Variants in FRMD1 observed in about 807,000 individuals in gnomAD.
FRMD1 encodes the protein FERM domain-containing protein 1.
FRMD1 carries 51 observed loss-of-function variants against 54.9 expected under a neutral mutation model. The observed-to-expected ratio is 0.93, with a 90% CI of 0.74 to 1.17. The LOEUF is 1.17. Among genes scored for constraint, FRMD1 ranks in the 50% most tolerant of loss-of-function variants. The pLI is 0.00. For missense variants in FRMD1, 729 were observed against 743.0 expected (o/e 0.98, Z 0.22); for synonymous variants, 324 against 306.4 (o/e 1.06, Z -0.60).
Position 168,060,818 on chromosome 6 carries a change from G to T in FRMD1, c.1285C>A (p.Pro429Thr). The change falls in exon 9 of 11, where the codon CCG becomes ACG. Residue 429 changes from proline to threonine, a missense_variant. Coordinates refer to ENST00000283309, the MANE Select transcript of FRMD1 (RefSeq NM_024919.6). ...LEVHGLHEKE[P>T]SSSPRTSRSH... ...CGGCTGGTCCTGGGGCTGGAGGACG[G>T]CTCCTTCTCATGGAGCCCGTGGACC... 6.2e-7 allele frequency: 1 copy of T among 1,613,286 alleles called. No homozygotes were observed. The highest frequency in any genetic ancestry group is 8.5e-7 in the Non-Finnish European group (1 of 1,179,804).
chr6:168,084,216 T>TC (rs1264107295), upstream of FRMD1, among the ~76,000 whole-genome samples: 1 of 152,108 alleles, frequency 6.6e-6, no homozygotes, highest in Non-Finnish European at 1.5e-5. Context: ...CTTCTAGGGA[T>TC]TAGACGGAAG....
At position 168,059,996 on chromosome 6, in the gene FRMD1, C is replaced by G. The variant is rs2114954253; in HGVS notation, c.1342+765G>C. Among the ~76,000 whole-genome samples the G allele has an allele frequency of 6.6e-6, 1 of 150,792 alleles. No homozygotes were observed. Among genetic ancestry groups the G allele is most frequent in the South Asian group, 2.1e-4 (1 of 4,738 alleles). ...GAGGGAAGCTGGTAGGACAGGGCTT[C>G]CTAGGAGTAGGGGGCTTCCTAGGAG... On this transcript the variant is annotated intron_variant, in intron 9 of 10. Transcript: ENST00000283309. This position sits in a 1 kb window ranked among gnomAD's most constrained non-coding sequence, Gnocchi z 4.4.
chr6:168,079,111 C>T lies in FRMD1; in HGVS notation c.-17G>A, dbSNP rs992757832. The T allele has an allele frequency of 2.5e-6, 4 of 1,574,274 alleles. No individual in the cohort carries two copies. In the South Asian group the frequency reaches 3.4e-5, roughly 13 times the overall value. On this transcript the variant is annotated 5_prime_UTR_variant, in exon 1 of 11. Coordinates refer to ENST00000283309, the MANE Select transcript of FRMD1 (RefSeq NM_024919.6). ...CACCGCCATGCTGTCGTTACTCGGC[C>T]CTCCCCCGCCATGGGTCGCAGGTGG... is the stretch of plus-strand genomic sequence containing the variant.
At chr6:168,086,477 A>G (rs974820403), upstream of FRMD1, among the ~76,000 whole-genome samples, 1 of 148,058 alleles carries the variant, frequency 6.8e-6, no homozygotes, top group East Asian at 2.0e-4. Flanking sequence ...ATGGACACCC[A>G]CATTTTCAGT....
intron 4 of FRMD1, chr6:168,065,879 G>A: frequency 1.0e-6 from 1 of 1,000,204 alleles, no homozygotes; most frequent in Non-Finnish European, 1.2e-6. Context: ...TTTCCCCCAG[G>A]GTAAACCCTG....
At chr6:168,092,756 T>C (rs1432654349) in intron 1 of FRMD1, among the ~76,000 whole-genome samples, 1 of 152,226 alleles carries the variant, frequency 6.6e-6, no homozygotes, top group Non-Finnish European at 1.5e-5. Flanking sequence ...TACAGCATCC[T>C]GAAAGGACTA....
At chr6:168,078,823 G>A in intron 1 of FRMD1, 59 bp downstream of exon 1, 1 of 1,082,226 alleles carries the variant, frequency 9.2e-7, no homozygotes, top group Non-Finnish European at 1.1e-6. Flanking sequence ...CGGCCACCCG[G>A]AGCCCTGCTC....
At chr6:168,061,347 G>A (rs369015234) in intron 8 of FRMD1, among the ~76,000 whole-genome samples, 1 of 152,160 alleles carries the variant, frequency 6.6e-6, no homozygotes, top group South Asian at 2.1e-4. Context: ...AAACGCTGAG[G>A]CCAGGTCTTG....
At chr6:168,063,892 G>T in intron 5 of FRMD1, 136 bp from the exon 6 acceptor site, 1 of 982,656 alleles carries the variant, frequency 1.0e-6, no homozygotes, top group Non-Finnish European at 1.4e-6. Context: ...GGGCCTGGCT[G>T]CTGAGCCCAG....
Position 168,059,095 on chromosome 6 carries a change from G to A in FRMD1, c.1407+29C>T. ...AGAAGGGGGTGGAGGAGCAGGGCCA[G>A]GGCTTCTGGCCCGTGGGGGGGACTC... On this transcript the variant is annotated intron_variant, in intron 10 of 10. Transcript: ENST00000283309. The surrounding 1 kb of genome is among the most constrained non-coding windows in gnomAD (Gnocchi z 4.4). 1 of 1,537,598 alleles carries A rather than the reference G, an allele frequency of 6.5e-7. No individual in the cohort carries two copies.
At chr6:168,078,801 TGCTCACCCCCACG>T (rs1800727501) in intron 1 of FRMD1, 68 bp downstream of exon 1, 11 of 1,084,354 alleles carry the variant, frequency 1.0e-5, no homozygotes, top group East Asian at 3.2e-5. Context: ...CCCAGGGCCC[TGCTCACCCCCACG>T]GCCACCCGGA....
chr6:168,062,841 AG>A, intron 7 of FRMD1, 52 bp downstream of exon 7: 7 of 1,599,692 alleles, frequency 4.4e-6, no homozygotes, highest in Non-Finnish European at 6.0e-6. Flanking sequence ...GGAAGGGAGG[AG>A]GGGGTGGGGG....
At chr6:168,060,247 G>A (rs1799649730) in intron 9 of FRMD1, among the ~76,000 whole-genome samples, 1 of 146,524 alleles carries the variant, frequency 6.8e-6, no homozygotes, top group African/African-American at 2.5e-5. Context: ...GTCTTCCTAT[G>A]TGTGGGGATG....
chr6:168,088,596 G>A (rs1583215122), intron 1 of FRMD1, among the ~76,000 whole-genome samples: 1 of 152,200 alleles, frequency 6.6e-6, no homozygotes, highest in African/African-American at 2.4e-5. Context: ...GACAGGAGCT[G>A]TGAACCCATC....
At position 168,059,094 on chromosome 6, in the gene FRMD1, A is replaced by G. The variant is rs1051445550; in HGVS notation, c.1407+30T>C. On this transcript the variant is annotated intron_variant, in intron 10 of 10. Coordinates refer to ENST00000283309, the MANE Select transcript of FRMD1 (RefSeq NM_024919.6). This position sits in a 1 kb window ranked among gnomAD's most constrained non-coding sequence, Gnocchi z 4.4. Reference sequence around the variant, plus strand: ...GAGAAGGGGGTGGAGGAGCAGGGCCAGGGCTTCTGGCCCGTGGGGGGGACT... The same window carrying G: ...GAGAAGGGGGTGGAGGAGCAGGGCCGGGGCTTCTGGCCCGTGGGGGGGACT... The G allele has an allele frequency of 7.8e-6, 12 of 1,534,498 alleles. No homozygotes were observed. The highest frequency in any genetic ancestry group is 2.7e-5 in the African/African-American group (2 of 73,858).
rs112824429 is a variant in FRMD1 at position 168,078,778 on chromosome 6, ACCCCCACGGC to A, written c.213+94_213+103del. The A allele has an allele frequency of 6.1e-3, 439 of 71,518 alleles. 7 individuals are homozygous for A. Among genetic ancestry groups the A allele is most frequent in the African/African-American group, 0.015 (67 of 4,604 alleles). 4.4% of individuals were successfully genotyped at this position (71,518 alleles called of 1,614,324 possible). ...CCCAAGGCCATCCAGGGCCCTGCTCACCCCCACGGCCACCCAGGGCCCTGCTCACCCCCAC... is the reference window on the plus strand; with the variant it reads ...CCCAAGGCCATCCAGGGCCCTGCTCACACCCAGGGCCCTGCTCACCCCCAC... On this transcript the variant is annotated intron_variant, in intron 1 of 10. Transcript: ENST00000283309.
At chr6:168,077,234 TA>T (rs1562428751) in intron 1 of FRMD1, among the ~76,000 whole-genome samples, 1 of 150,218 alleles carries the variant, frequency 6.7e-6, no homozygotes, top group African/African-American at 2.4e-5. Context: ...CACACCTCAA[TA>T]GGGGGTTTCT....
chr6:168,058,485 CTG>C (rs1799535853), intron 10 of FRMD1, among the ~76,000 whole-genome samples: 2 of 147,112 alleles, frequency 1.4e-5, no homozygotes, highest in South Asian at 2.2e-4. Context: ...AACCGATTTT[CTG>C]TGTCTTTCCA....
chr6:168,054,529 CT>C lies in FRMD1; in HGVS notation c.*2567del, dbSNP rs1324039419. 1.3e-5 allele frequency: 2 copies of C among 151,646 alleles called. No individual in the cohort carries two copies. The highest frequency in any genetic ancestry group is 2.9e-5 in the Non-Finnish European group (2 of 67,878). The allele number at this position is 151,646 out of a possible 1,614,324, so 9.4% of individuals were successfully genotyped here. ...TGCCACCTGAAGGCCACAAGCCCCC[CT>C]GTACACAGCGGCTTCTGCTGTTTGC... On this transcript the variant is annotated 3_prime_UTR_variant, in exon 11 of 11. Coordinates refer to ENST00000283309, the MANE Select transcript of FRMD1 (RefSeq NM_024919.6).
Sources: allele counts gnomAD v4.1 joint callset (sites outside exome capture counted in the v4.1 genomes callset), GRCh38; gene constraint gnomAD v4.1.1; non-coding constraint Gnocchi (gnomAD v3.1); transcripts MANE v1.5; gene names NCBI Gene and HGNC (gene_info 2026-07-23, HGNC 2026-07-21).